Variants in PARD3B observed in about 807,000 individuals in gnomAD.
PARD3B encodes par-3 family cell polarity regulator beta.
In PARD3B, 103 loss-of-function variants were observed where a neutral mutation model predicts 130.2. The observed-to-expected ratio is 0.79, with a 90% CI of 0.67 to 0.93. The LOEUF (loss-of-function observed/expected upper bound fraction) is 0.93, where lower values mean the gene tolerates loss of function less well. PARD3B is among the 40% of genes least tolerant of loss of function. The pLI is 0.00. For missense variants in PARD3B, 1,609 were observed against 1,499.2 expected (o/e 1.07, Z -1.21); for synonymous variants, 583 against 553.2 (o/e 1.05, Z -0.76).
At chr2:204,961,457 T>C (rs893705503) in intron 2 of PARD3B, among the ~76,000 whole-genome samples, 1 of 152,108 alleles carries the variant, frequency 6.6e-6, no homozygotes, top group Admixed American at 6.6e-5. Context: ...AATTGGGATG[T>C]AAAGAGCTAT....
intron 2 of PARD3B, among the ~76,000 whole-genome samples, chr2:204,739,827 T>C (rs1167736807): frequency 1.3e-5 from 2 of 152,036 alleles, no homozygotes; most frequent in African/African-American, 4.8e-5. Flanking sequence ...AAATTTTTGG[T>C]TTTAATATTA....
chr2:204,700,278 T>A (rs545324649), intron 2 of PARD3B, among the ~76,000 whole-genome samples: 1 of 152,110 alleles, frequency 6.6e-6, no homozygotes, highest in Non-Finnish European at 1.5e-5. Flanking sequence ...CTATAGCATC[T>A]GATAGCCTCA....
chr2:205,105,598 C>T lies in PARD3B; in HGVS notation c.593+1084C>T, dbSNP rs16836946. On this transcript the variant is annotated intron_variant, in intron 5 of 22. Coordinates refer to ENST00000406610, the MANE Select transcript of PARD3B (RefSeq NM_001302769.2). This position sits in a 1 kb window ranked among gnomAD's most constrained non-coding sequence, Gnocchi z 4.0. ...ATTTATAGCCACGTGAGCATAGTTA[C>T]TCTTTATTTAGATCGTTTCTTTGAC... Among the ~76,000 whole-genome samples the T allele has an allele frequency of 0.031, 4,709 of 152,130 alleles. 239 individuals carry two copies. Among genetic ancestry groups the T allele is most frequent in the African/African-American group, 0.11 (4,395 of 41,466 alleles).
intron 1 of PARD3B, among the ~76,000 whole-genome samples, chr2:204,643,105 C>T: frequency 7.6e-5 from 1 of 13,080 alleles, no homozygotes; most frequent in Non-Finnish European, 2.5e-4. Flanking sequence ...CAGAGGGAGA[C>T]TCTGTCTCAC....
Position 205,380,197 on chromosome 2 carries a change from T to C in PARD3B, c.2631-20816T>C, listed in dbSNP as rs1393829238. Among the ~76,000 whole-genome samples, 5 of 118,134 alleles carry C rather than the reference T, an allele frequency of 4.2e-5. 1 individual carries two copies. The highest frequency in any genetic ancestry group is 6.5e-5 in the Non-Finnish European group (4 of 61,678). 77.5% of individuals were successfully genotyped at this position (118,134 alleles called of 152,430 possible). A position where few individuals can be genotyped will look rare whatever the true frequency, so the allele number is the denominator to read the frequency against. On this transcript the variant is annotated intron_variant, in intron 18 of 22. Transcript: ENST00000406610. ...TATAATATGTAAAGAATATATATTATATAATATGTAAAGAATATATATTAT... is the reference window on the plus strand; with the variant it reads ...TATAATATGTAAAGAATATATATTACATAATATGTAAAGAATATATATTAT...
intron 22 of PARD3B, among the ~76,000 whole-genome samples, chr2:205,571,920 A>G (rs1197999358): frequency 6.6e-6 from 1 of 152,238 alleles, no homozygotes; most frequent in Non-Finnish European, 1.5e-5. Flanking sequence ...GAAGCTGGGC[A>G]GAGAAAAGAT....
Position 205,458,904 on chromosome 2 carries a change from C to T in PARD3B, c.3044+18232C>T, listed in dbSNP as rs1485300061. On this transcript the variant is annotated intron_variant, in intron 20 of 22. Coordinates refer to ENST00000406610, the MANE Select transcript of PARD3B (RefSeq NM_001302769.2). The surrounding 1 kb of genome is among the most constrained non-coding windows in gnomAD (Gnocchi z 4.8). ...TTAATGCAGTCTTTGATTGAGATCACTAGAAGCTGGATTTTAGTTATGTGA... is the reference window on the plus strand; with the variant it reads ...TTAATGCAGTCTTTGATTGAGATCATTAGAAGCTGGATTTTAGTTATGTGA... Among the ~76,000 whole-genome samples the T allele has an allele frequency of 6.6e-6, 1 of 152,148 alleles. No homozygotes were observed. The highest frequency in any genetic ancestry group is 1.5e-5 in the Non-Finnish European group (1 of 68,036).
intron 2 of PARD3B, among the ~76,000 whole-genome samples, chr2:204,931,541 C>T (rs915908534): frequency 6.6e-6 from 1 of 151,068 alleles, no homozygotes; most frequent in Non-Finnish European, 1.5e-5. Flanking sequence ...TAGCCATTGT[C>T]CTTGTAACAT....
At chr2:204,794,636 A>G (rs563778728) in intron 2 of PARD3B, among the ~76,000 whole-genome samples, 1 of 152,336 alleles carries the variant, frequency 6.6e-6, no homozygotes, top group African/African-American at 2.4e-5. Flanking sequence ...CATGTAGTCA[A>G]ATAATCAGGT....
intron 3 of PARD3B, among the ~76,000 whole-genome samples, chr2:205,034,797 A>G (rs1178395563): frequency 1.3e-5 from 2 of 152,188 alleles, no homozygotes; most frequent in Non-Finnish European, 2.9e-5. Flanking sequence ...ATATTAACAC[A>G]TGAAAATATC....
At chr2:204,801,339 T>C (rs2042560872) in intron 2 of PARD3B, among the ~76,000 whole-genome samples, 2 of 152,234 alleles carry the variant, frequency 1.3e-5, no homozygotes, top group South Asian at 4.1e-4. Context: ...GTTCTTCCTA[T>C]TCATGAGCAT....
chr2:204,711,710 T>A (rs1178458215), intron 2 of PARD3B, among the ~76,000 whole-genome samples: 1 of 152,026 alleles, frequency 6.6e-6, no homozygotes, highest in Non-Finnish European at 1.5e-5. Context: ...CATGCCCAGC[T>A]AATATTTTTC....
At position 204,833,120 on chromosome 2, in the gene PARD3B, A is replaced by G. The variant is rs146064121; in HGVS notation, c.223-132032A>G. On this transcript the variant is annotated intron_variant, in intron 2 of 22. Coordinates refer to ENST00000406610, the MANE Select transcript of PARD3B (RefSeq NM_001302769.2). ...TTTATTGTGAAAAATGGCGAATGCA[A>G]ATTGCATGCCTTATTATGGTGTCAT... Among the ~76,000 whole-genome samples the G allele has an allele frequency of 2.1e-3, 319 of 152,308 alleles. 2 individuals are homozygous for G. Among genetic ancestry groups the G allele is most frequent in the South Asian group, 7.1e-3 (34 of 4,822 alleles).
At chr2:205,095,834 G>A (rs1468631325) in intron 4 of PARD3B, among the ~76,000 whole-genome samples, 1 of 151,896 alleles carries the variant, frequency 6.6e-6, no homozygotes, top group Non-Finnish European at 1.5e-5. Context: ...AAATTTCACT[G>A]GTCTTTTAAA....
In PARD3B at chr2:205,440,300, A is replaced by G. The variant is rs1575027820; in HGVS notation, c.2742-70A>G. 62 of 1,447,340 alleles carry G rather than the reference A, an allele frequency of 4.3e-5. No homozygotes were observed. In the South Asian group the frequency reaches 7.6e-4, roughly 18 times the overall value. The allele number at this position is 1,447,340 out of a possible 1,614,324, so 89.7% of individuals were successfully genotyped here. On this transcript the variant is annotated intron_variant, in intron 19 of 22. Coordinates refer to ENST00000406610, the MANE Select transcript of PARD3B (RefSeq NM_001302769.2). The surrounding 1 kb of genome is among the most constrained non-coding windows in gnomAD (Gnocchi z 4.2). ...GACGAGGAAGAGTTAACATAAATTCAAGAGAGTATTTCATTGTATTATTAT... is the reference window on the plus strand; with the variant it reads ...GACGAGGAAGAGTTAACATAAATTCGAGAGAGTATTTCATTGTATTATTAT...
intron 15 of PARD3B, among the ~76,000 whole-genome samples, chr2:205,238,790 C>G (rs537216086): frequency 7.4e-6 from 1 of 135,474 alleles, no homozygotes; most frequent in African/African-American, 2.7e-5. Context: ...CAAGATCGCA[C>G]CATTGCACTA....
chr2:205,108,542 G>C (rs1010164599), intron 5 of PARD3B, among the ~76,000 whole-genome samples: 3 of 151,266 alleles, frequency 2.0e-5, no homozygotes, highest in Non-Finnish European at 1.5e-5. Flanking sequence ...ACAACCAATT[G>C]TTATGCTCAC....
intron 18 of PARD3B, among the ~76,000 whole-genome samples, chr2:205,323,344 A>G (rs901617044): frequency 2.6e-5 from 4 of 152,182 alleles, no homozygotes; most frequent in Non-Finnish European, 5.9e-5. Context: ...TGTCTAGAAA[A>G]CAAACCTTAT....
chr2:205,086,571 T>C (rs1338579395), intron 4 of PARD3B, among the ~76,000 whole-genome samples: 3 of 152,214 alleles, frequency 2.0e-5, no homozygotes, highest in Admixed American at 1.3e-4. Flanking sequence ...GTATTTTGGT[T>C]ATTAGATATT....
Sources: allele counts gnomAD v4.1 joint callset (sites outside exome capture counted in the v4.1 genomes callset), GRCh38; gene constraint gnomAD v4.1.1; non-coding constraint Gnocchi (gnomAD v3.1); transcripts MANE v1.5; gene names NCBI Gene and HGNC (gene_info 2026-07-23, HGNC 2026-07-21).